CHD6: variants seen among roughly 807,000 people sequenced by gnomAD.
CHD6 encodes the protein ATP-dependent chromatin remodeler CHD6.
Under a neutral mutation model 276.9 loss-of-function variants are expected in CHD6, and 50 were observed. The observed-to-expected ratio is 0.18, with a 90% CI of 0.14 to 0.23. The LOEUF is 0.23. CHD6 is among the 10% of genes least tolerant of loss of function. The pLI is 1.00. For missense variants in CHD6, 2,564 were observed against 3,365.8 expected, an observed-to-expected ratio of 0.76 and a Z score of 5.89; for synonymous variants, 1,173 against 1,229.3, an observed-to-expected ratio of 0.95 and a Z score of 0.96.
At chr20:41,527,972 G>T (rs1031220352) in intron 3 of CHD6, among the ~76,000 whole-genome samples, 9 of 152,140 alleles carry the variant, frequency 5.9e-5, no homozygotes, top group African/African-American at 2.2e-4. Context: ...GCTGCACACA[G>T]GTCCTCCCCA....
At position 41,415,166 on chromosome 20, in the gene CHD6, C is replaced by T. The variant is rs1242757067; in HGVS notation, c.6939+20G>A. The T allele has an allele frequency of 3.1e-6, 5 of 1,596,006 alleles. No individual in the cohort carries two copies. Among genetic ancestry groups the T allele is most frequent in the African/African-American group, 1.3e-5 (1 of 74,388 alleles). ...GTGTAGAAAGGTAAATGTTTTTAAT[C>T]TAATGACCTCAATACCCACCAAGAT... On this transcript the variant is annotated intron_variant, in intron 34 of 36. Coordinates refer to ENST00000373233, the MANE Select transcript of CHD6 (RefSeq NM_032221.5).
chr20:41,403,992 T>C lies in CHD6; in HGVS notation c.*601A>G. 1 of 1,053,200 alleles carries C rather than the reference T, an allele frequency of 9.5e-7. No individual in the cohort carries two copies. Among genetic ancestry groups the C allele is most frequent in the Non-Finnish European group, 1.1e-6 (1 of 871,696 alleles). 65.2% of individuals were successfully genotyped at this position (1,053,200 alleles called of 1,614,324 possible). ...AAAACCACCAAGGGGGAAATTATAT[T>C]ACTACCGGTAAGGTTTTTGTTTTTT... On this transcript the variant is annotated 3_prime_UTR_variant, in exon 37 of 37. Transcript: ENST00000373233.
Position 41,547,544 on chromosome 20 carries a change from G to C in CHD6, c.33+3761C>G, listed in dbSNP as rs141456780. The C allele has an allele frequency of 4.9e-3, 2,322 of 476,756 alleles. 37 individuals carry two copies. The highest frequency in any genetic ancestry group is 0.017 in the Middle Eastern group (24 of 1,378). The allele number at this position is 476,756 out of a possible 1,614,324, so 29.5% of individuals were successfully genotyped here. ...GACCCCTGGGTCTGTCTCCCAAAAAGGTTGATGATGACATTGCCAAGGCAA... is the reference window on the plus strand; with the variant it reads ...GACCCCTGGGTCTGTCTCCCAAAAACGTTGATGATGACATTGCCAAGGCAA... On this transcript the variant is annotated intron_variant, in intron 2 of 36. Transcript: ENST00000373233.
intron 30 of CHD6, among the ~76,000 whole-genome samples, chr20:41,422,349 G>A (rs759377251): frequency 6.6e-6 from 1 of 152,072 alleles, no homozygotes; most frequent in South Asian, 2.1e-4. Context: ...CATGTACTAG[G>A]CCAGGCATAG....
At position 41,402,376 on chromosome 20, in the gene CHD6, G is replaced by GT. The variant is rs1369378778; in HGVS notation, c.*2216dup. On this transcript the variant is annotated 3_prime_UTR_variant, in exon 37 of 37. Coordinates refer to ENST00000373233, the MANE Select transcript of CHD6 (RefSeq NM_032221.5). ...AAATAGAAGCCTGAACACCCAGAGA[G>GT]TTAACATACAGATTCCATAAGGATA... The GT allele has an allele frequency of 1.1e-4, 25 of 229,180 alleles. No individual in the cohort carries two copies. The highest frequency in any genetic ancestry group is 1.7e-4 in the Non-Finnish European group (20 of 115,602). 14.2% of individuals were successfully genotyped at this position (229,180 alleles called of 1,614,324 possible). A position where few individuals can be genotyped will look rare whatever the true frequency, so the allele number is the denominator to read the frequency against.
chr20:41,431,441 C>T (rs2047534115), intron 27 of CHD6, among the ~76,000 whole-genome samples: 2 of 151,996 alleles, frequency 1.3e-5, no homozygotes, highest in African/African-American at 4.8e-5. Context: ...GAGGGAGGAC[C>T]CTCGCAGGGG....
chr20:41,514,842 C>T lies in CHD6; in HGVS notation c.665G>A (p.Arg222Gln), dbSNP rs917042444. 5.6e-6 allele frequency: 9 copies of T among 1,613,896 alleles called. No homozygotes were observed. The highest frequency in any genetic ancestry group is 1.6e-4 in the Middle Eastern group (1 of 6,080). ...AGACTCAGTGGACTCCTCAGGACTC[C>T]GCAGAGATGGGTTCGTCAGGCCCTG... ...LDQGLTNPSL[R>Q]SPEESTESTD... The change falls in exon 4 of 37, where the codon CGG (arginine) becomes CAG (glutamine). Residue 222 changes from arginine (R) to glutamine (Q), a missense_variant. By Grantham distance (43) the Arg-to-Gln change is conservative (BLOSUM62 1). Around this residue, in one of 7 missense-constraint regions of CHD6, gnomAD observed 286 missense variants for 297.8 expected, o/e 0.96. Transcript: ENST00000373233.
intron 2 of CHD6, among the ~76,000 whole-genome samples, chr20:41,538,182 A>G (rs2044872734): frequency 6.6e-6 from 1 of 151,978 alleles, no homozygotes; most frequent in Non-Finnish European, 1.5e-5. Flanking sequence ...GAAACTCCCT[A>G]TCTACTAAGA....
At chr20:41,448,038 A>C (rs1250158196) in intron 23 of CHD6, 67 bp from the exon 24 acceptor site, 1 of 849,368 alleles carries the variant, frequency 1.2e-6, no homozygotes, top group Non-Finnish European at 1.8e-6. Context: ...CCACATCCCC[A>C]AGTTAACACT....
In CHD6 at chr20:41,533,647, C is replaced by T; in HGVS notation, c.34-77G>A. The stretch of plus-strand genomic sequence containing the variant: ...CAAAGAGAGTTACCCAGTTTGAATA[C>T]ATGGATTTGCTCAACAAATATTTAC... On this transcript the variant is annotated intron_variant, in intron 2 of 36. Transcript: ENST00000373233. 3.9e-6 allele frequency: 5 copies of T among 1,294,496 alleles called. No individual in the cohort carries two copies. In the Admixed American group the frequency reaches 6.6e-5, roughly 17 times the overall value. 80.2% of individuals were successfully genotyped at this position (1,294,496 alleles called of 1,614,324 possible).
intron 1 of CHD6, among the ~76,000 whole-genome samples, chr20:41,571,292 T>A (rs1601153846): frequency 6.6e-6 from 1 of 152,088 alleles, no homozygotes; most frequent in East Asian, 1.9e-4. Flanking sequence ...AAAGTCTTGG[T>A]AAGAAGAATG....
In CHD6 at chr20:41,435,862, G is replaced by A. The variant is rs554001901; in HGVS notation, c.4068+1412C>T. Among the ~76,000 whole-genome samples the A allele has an allele frequency of 1.4e-4, 21 of 152,250 alleles. 1 individual carries two copies. The South Asian group carries it at 4.1e-3, about 30-fold the overall frequency. ...CTATCTATCAAATTTTAAAACTTAC[G>A]GTATTGCTACGGCACTCAGGATTAT... On this transcript the variant is annotated intron_variant, in intron 27 of 36. Transcript: ENST00000373233.
intron 16 of CHD6, among the ~76,000 whole-genome samples, chr20:41,477,852 T>A (rs189481499): frequency 9.2e-5 from 14 of 152,144 alleles, no homozygotes; most frequent in Non-Finnish European, 2.9e-5. Flanking sequence ...TTTGCTGAAG[T>A]ATTTACTTAG....
intron 1 of CHD6, among the ~76,000 whole-genome samples, chr20:41,579,772 C>A (rs908025293): frequency 6.6e-6 from 1 of 152,164 alleles, no homozygotes; most frequent in African/African-American, 2.4e-5. Context: ...TTCAAAGAAA[C>A]TGACCACTAA....
chr20:41,547,176 C>T (rs1467964218), intron 2 of CHD6, among the ~76,000 whole-genome samples: 1 of 152,130 alleles, frequency 6.6e-6, no homozygotes, highest in Non-Finnish European at 1.5e-5. Context: ...TGGTAAAAGA[C>T]AAAGTTTGAT....
chr20:41,547,326 C>T (rs1021485961), intron 2 of CHD6: 1 of 188,312 alleles, frequency 5.3e-6, no homozygotes. Flanking sequence ...GACAGAAAAA[C>T]AAGGCTGGCT....
chr20:41,497,126 T>TTATTAGTATTTA, intron 8 of CHD6: 1 of 419,240 alleles, frequency 2.4e-6, no homozygotes, highest in Non-Finnish European at 4.4e-6. Context: ...TTCCTCTCAC[T>TTATTAGTATTTA]CTAGCTATTT....
intron 33 of CHD6, 46 bp downstream of exon 33, chr20:41,416,542 G>A (rs766526323): frequency 1.4e-5 from 21 of 1,525,168 alleles, no homozygotes; most frequent in African/African-American, 8.2e-5. Flanking sequence ...CGTGGAACAC[G>A]CCCACCATTC....
At chr20:41,513,296 C>G (rs561401133) in intron 4 of CHD6, among the ~76,000 whole-genome samples, 8 of 152,234 alleles carry the variant, frequency 5.3e-5, no homozygotes, top group African/African-American at 1.7e-4. Context: ...GACTTTCCCC[C>G]TTTCAGAATC....
Sources: gnomAD v4.1 joint callset for allele counts (sites outside exome capture counted in the v4.1 genomes callset) on GRCh38, gnomAD v4.1.1 for gene constraint, gnomAD v4.1.1 regional missense constraint, MANE v1.5 for transcripts, NCBI Gene and HGNC (gene_info 2026-07-23, HGNC 2026-07-21) for gene names.